Variants in GRIN3A observed in about 807,000 individuals in gnomAD.
GRIN3A encodes glutamate receptor ionotropic, NMDA 3A.
GRIN3A carries 47 observed loss-of-function variants against 92.4 expected under a neutral mutation model. The ratio of observed to expected loss-of-function variants is 0.51; its 90% CI spans 0.40 to 0.65. GRIN3A has a LOEUF of 0.65. Ranked by LOEUF, GRIN3A falls within the 30% of genes least tolerant of loss-of-function variation. The pLI, the probability that GRIN3A is intolerant of heterozygous loss-of-function variation, is 0.00. For missense variants in GRIN3A, 1,324 were observed against 1,393.1 expected (o/e 0.95, Z 0.79); for synonymous variants, 527 against 540.6 (o/e 0.97, Z 0.35).
chr9:101,607,221 G>C (rs1828298798), intron 6 of GRIN3A, among the ~76,000 whole-genome samples: 1 of 151,910 alleles, frequency 6.6e-6, no homozygotes, highest in Non-Finnish European at 1.5e-5. Flanking sequence ...GGGCTACAAA[G>C]AGATGGAAGG....
intron 6 of GRIN3A, among the ~76,000 whole-genome samples, chr9:101,581,069 C>A (rs921103089): frequency 1.3e-4 from 20 of 152,268 alleles, no homozygotes; most frequent in African/African-American, 4.8e-4. Flanking sequence ...CACTCTTCTG[C>A]GTATCATGGG....
At chr9:101,600,720 AG>A (rs1165441575) in intron 6 of GRIN3A, 1 of 152,306 alleles carries the variant, frequency 6.6e-6, no homozygotes, top group Non-Finnish European at 1.5e-5. Context: ...TGACTGGAGT[AG>A]GGAGGTCAAG....
chr9:101,656,125 A>G (rs1829085861), intron 3 of GRIN3A, among the ~76,000 whole-genome samples: 1 of 152,036 alleles, frequency 6.6e-6, no homozygotes, highest in Non-Finnish European at 1.5e-5. Flanking sequence ...CCACAGGGGA[A>G]AGAACAAGGG....
At chr9:101,653,684 T>A (rs1408949063) in intron 3 of GRIN3A, among the ~76,000 whole-genome samples, 1 of 151,890 alleles carries the variant, frequency 6.6e-6, no homozygotes, top group Non-Finnish European at 1.5e-5. Flanking sequence ...TATTTAAGTA[T>A]TTTGTTCTCT....
chr9:101,623,741 G>A (rs1828589793), intron 4 of GRIN3A, among the ~76,000 whole-genome samples: 1 of 152,218 alleles, frequency 6.6e-6, no homozygotes, highest in Non-Finnish European at 1.5e-5. Context: ...CATAGAGAAT[G>A]TTTATTCTTA....
At chr9:101,598,189 T>G (rs570080223) in intron 6 of GRIN3A, among the ~76,000 whole-genome samples, 1 of 152,368 alleles carries the variant, frequency 6.6e-6, no homozygotes, top group South Asian at 2.1e-4. Flanking sequence ...CGTTTCAACA[T>G]GTAACCAATA....
intron 6 of GRIN3A, among the ~76,000 whole-genome samples, chr9:101,606,986 T>C (rs923763366): frequency 2.9e-5 from 4 of 138,176 alleles, no homozygotes; most frequent in East Asian, 2.2e-4. Flanking sequence ...ATGGCACTGA[T>C]TGACAATGAG....
intron 3 of GRIN3A, among the ~76,000 whole-genome samples, chr9:101,637,948 C>T (rs1828806163): frequency 6.6e-6 from 1 of 151,390 alleles, no homozygotes; most frequent in South Asian, 2.1e-4. Context: ...AATCTGTCCC[C>T]TCCCCACCTG....
chr9:101,586,436 G>A (rs193176861), intron 6 of GRIN3A, among the ~76,000 whole-genome samples: 2 of 151,594 alleles, frequency 1.3e-5, no homozygotes, highest in African/African-American at 2.4e-5. Flanking sequence ...CCCCACCCCC[G>A]ATCCCAAACA....
intron 5 of GRIN3A, among the ~76,000 whole-genome samples, chr9:101,617,615 AT>A (rs532368252): frequency 0.12 from 17,735 of 150,950 alleles, 1,822 homozygotes; most frequent in African/African-American, 0.29. Context: ...ATTTTATTTT[AT>A]TTTATTTATT....
At chr9:101,728,624 C>G (rs1239437510) in intron 1 of GRIN3A, among the ~76,000 whole-genome samples, 1 of 152,064 alleles carries the variant, frequency 6.6e-6, no homozygotes, top group Non-Finnish European at 1.5e-5. Flanking sequence ...TGCCAGTGCC[C>G]AGTTAGAGTG....
At chr9:101,730,133 G>C (rs1462809298) in intron 1 of GRIN3A, among the ~76,000 whole-genome samples, 1 of 151,994 alleles carries the variant, frequency 6.6e-6, no homozygotes, top group Non-Finnish European at 1.5e-5. Flanking sequence ...GAGCAACTAG[G>C]TAAAACTGGA....
intron 6 of GRIN3A, among the ~76,000 whole-genome samples, chr9:101,612,616 C>A (rs896489573): frequency 4.6e-5 from 7 of 151,862 alleles, no homozygotes; most frequent in Non-Finnish European, 7.4e-5. Context: ...TTTAAATTGT[C>A]AGGCTGACCT....
intron 6 of GRIN3A, among the ~76,000 whole-genome samples, chr9:101,607,157 G>GA (rs11297988): frequency 0.047 from 6,779 of 144,656 alleles, 278 homozygotes; most frequent in African/African-American, 0.11. Context: ...TGGAATTCAG[G>GA]AAAAAAAAAA....
intron 6 of GRIN3A, among the ~76,000 whole-genome samples, chr9:101,590,346 C>CTATTTATTTATT (rs35611429): frequency 9.8e-5 from 14 of 143,416 alleles, no homozygotes; most frequent in East Asian, 2.0e-4. Flanking sequence ...TAATGACACT[C>CTATTTATTTATT]TATTTATTTA....
intron 6 of GRIN3A, 126 bp downstream of exon 6, chr9:101,613,250 C>T: frequency 9.5e-7 from 1 of 1,053,276 alleles, no homozygotes; most frequent in Non-Finnish European, 1.4e-6. Flanking sequence ...AAAAATAATC[C>T]AAATATTATG....
chr9:101,612,381 C>A (rs1828379264), intron 6 of GRIN3A, among the ~76,000 whole-genome samples: 1 of 152,102 alleles, frequency 6.6e-6, no homozygotes, highest in South Asian at 2.1e-4. Flanking sequence ...AGATGTGAGG[C>A]ACAGGAGGAA....
chr9:101,703,593 G>T (rs934525810), intron 1 of GRIN3A, among the ~76,000 whole-genome samples: 3 of 152,190 alleles, frequency 2.0e-5, no homozygotes, highest in African/African-American at 4.8e-5. Context: ...AGAGGGTCCA[G>T]ACATTTGTTC....
intron 1 of GRIN3A, among the ~76,000 whole-genome samples, chr9:101,690,710 A>G (rs2118985213): frequency 6.6e-6 from 1 of 152,342 alleles, no homozygotes; most frequent in South Asian, 2.1e-4. Flanking sequence ...GGATATTAGA[A>G]CACATTAGAA....
Sources: gnomAD v4.1 joint callset for allele counts (sites outside exome capture counted in the v4.1 genomes callset) on GRCh38, gnomAD v4.1.1 for gene constraint, MANE v1.5 for transcripts, NCBI Gene and HGNC (gene_info 2026-07-23, HGNC 2026-07-21) for gene names.